The following WDPCP variants were observed in gnomAD, a reference collection of about 807,000 sequenced individuals.
WDPCP encodes the protein WD repeat-containing and planar cell polarity effector protein fritz homolog.
In WDPCP, 71 loss-of-function variants were observed where a neutral mutation model predicts 93.1. The observed-to-expected ratio is 0.76, with a 90% confidence interval of 0.63 to 0.93. WDPCP has a LOEUF of 0.93. Ranked by LOEUF, WDPCP falls within the 40% of genes least tolerant of loss-of-function variation. The pLI is 0.00. For missense variants in WDPCP, 844 were observed against 887.4 expected (o/e 0.95, Z 0.62); for synonymous variants, 315 against 315.0 (o/e 1.00, Z 0.00).
rs368963105 is a variant in WDPCP, at chr2:63,341,291, G to A, written c.1749-27980C>T. Among the ~76,000 whole-genome samples, 14 of 152,226 alleles carry A rather than the reference G, an allele frequency of 9.2e-5. No homozygotes were observed. In the East Asian group the frequency reaches 2.3e-3, roughly 25 times the overall value. On this transcript the variant is annotated intron_variant, in intron 12 of 17. Transcript: ENST00000272321. ...CTACAGGAGCGCACCACCATGCCCA[G>A]CTAATTTTTGTATTTTTAGTAGAGA...
rs2103805217 is a variant in WDPCP, at chr2:63,724,877, C to CTGTT, written n.309-74043_309-74040dup. 1.3e-5 allele frequency among the ~76,000 whole-genome samples: 2 copies of CTGTT among 152,302 alleles called. 1 individual carries two copies. The highest frequency in any genetic ancestry group is 4.1e-4 in the South Asian group (2 of 4,824). ...GGCATGTGAACAACTCTTGAAAAATCTGTTTGTACAGAGGGGCAACTCATA... is the reference window on the plus strand; with the variant it reads ...GGCATGTGAACAACTCTTGAAAAATCTGTTTGTTTGTACAGAGGGGCAACTCATA... On this transcript the variant is annotated intron_variant and non_coding_transcript_variant, in intron 2 of 4. Transcript: ENST00000467687.
At chr2:63,717,512 C>G (rs886902690) in intron 2 of WDPCP, 1 of 447,638 alleles carries the variant, frequency 2.2e-6, no homozygotes, top group Non-Finnish European at 4.3e-6. Flanking sequence ...GAATACATCT[C>G]GAACAAACTC....
intron 13 of WDPCP, among the ~76,000 whole-genome samples, 188 bp from the exon 14 acceptor site, chr2:63,259,597 T>C (rs776327994): frequency 5.3e-5 from 8 of 152,216 alleles, no homozygotes; most frequent in South Asian, 2.1e-4. Flanking sequence ...ATCACAGCTA[T>C]AACTAAAGGC....
intron 2 of WDPCP, among the ~76,000 whole-genome samples, chr2:63,806,560 A>G (rs749534841): frequency 1.3e-5 from 2 of 152,128 alleles, no homozygotes; most frequent in Non-Finnish European, 2.9e-5. Flanking sequence ...TCTGACCAAA[A>G]TTTATTAGGC....
chr2:63,594,481 A>T, intron 3 of WDPCP: 1 of 1,607,040 alleles, frequency 6.2e-7, no homozygotes, highest in Non-Finnish European at 8.5e-7. Flanking sequence ...GGTCTTTTTC[A>T]TTACAGTCTG....
At chr2:63,338,903 A>G (rs1186124851) in intron 12 of WDPCP, among the ~76,000 whole-genome samples, 1 of 151,582 alleles carries the variant, frequency 6.6e-6, no homozygotes, top group Non-Finnish European at 1.5e-5. Flanking sequence ...TTTTTTTTCT[A>G]TTTTTGTGAA....
chr2:63,717,636 C>G, intron 2 of WDPCP: 1 of 524,914 alleles, frequency 1.9e-6, no homozygotes, highest in Non-Finnish European at 3.9e-6. Context: ...CCATGTTAAG[C>G]TGACTGCTCA....
upstream of WDPCP, among the ~76,000 whole-genome samples, chr2:63,828,762 C>T (rs1025609989): frequency 6.6e-6 from 1 of 152,110 alleles, no homozygotes; most frequent in Non-Finnish European, 1.5e-5. Flanking sequence ...TTGTCTTCTT[C>T]CTATTCAATC....
intron 12 of WDPCP, chr2:63,378,099 A>G (rs972198686): frequency 5.1e-6 from 2 of 389,048 alleles, no homozygotes; most frequent in African/African-American, 2.0e-5. Context: ...TAGTGCGAGT[A>G]GCACAATTCA....
chr2:63,374,757 CAA>C (rs2104818205), intron 12 of WDPCP, among the ~76,000 whole-genome samples: 1 of 152,182 alleles, frequency 6.6e-6, no homozygotes, highest in African/African-American at 2.4e-5. Flanking sequence ...CAACATAGAG[CAA>C]AGTTAAAAGA....
chr2:63,448,141 T>C (rs1286065601), intron 6 of WDPCP, among the ~76,000 whole-genome samples: 3 of 152,132 alleles, frequency 2.0e-5, no homozygotes, highest in Non-Finnish European at 2.9e-5. Flanking sequence ...CTGCTGATAC[T>C]CTTTGTTCCA....
chr2:63,829,943 G>C (rs896000497), upstream of WDPCP, among the ~76,000 whole-genome samples: 6 of 151,950 alleles, frequency 3.9e-5, no homozygotes, highest in Non-Finnish European at 7.4e-5. Context: ...GAATGTTCTA[G>C]GTGTCAATGT....
intron 7 of WDPCP, chr2:63,437,863 T>C (rs747686475): frequency 2.5e-6 from 4 of 1,598,806 alleles, no homozygotes; most frequent in South Asian, 2.3e-5. Flanking sequence ...ATTTCGCACC[T>C]GAATGTAGAG....
At chr2:63,133,281 T>C (rs1399269371) in intron 17 of WDPCP, among the ~76,000 whole-genome samples, 2 of 152,218 alleles carry the variant, frequency 1.3e-5, no homozygotes, top group African/African-American at 4.8e-5. Context: ...TGCAGCTTTC[T>C]GAGCCATGAC....
intron 13 of WDPCP, among the ~76,000 whole-genome samples, chr2:63,268,138 G>C (rs867865624): frequency 1.3e-5 from 2 of 152,082 alleles, no homozygotes; most frequent in Non-Finnish European, 2.9e-5. Context: ...TATATATATA[G>C]CCTTTAAAAA....
At chr2:63,676,062 T>C (rs987588685) in intron 2 of WDPCP, among the ~76,000 whole-genome samples, 1 of 152,230 alleles carries the variant, frequency 6.6e-6, no homozygotes, top group African/African-American at 2.4e-5. Flanking sequence ...GTTCTATCTT[T>C]GGCAATAGCT....
chr2:63,352,812 T>A (rs1689728284), intron 12 of WDPCP, among the ~76,000 whole-genome samples: 1 of 152,204 alleles, frequency 6.6e-6, no homozygotes. Flanking sequence ...GCAAGCTCTG[T>A]GCCTTGGATG....
intron 2 of WDPCP, among the ~76,000 whole-genome samples, chr2:63,811,295 G>A (rs543016034): frequency 6.6e-6 from 1 of 152,316 alleles, no homozygotes; most frequent in African/African-American, 2.4e-5. Flanking sequence ...CGGCAAAGGT[G>A]ATGGGATGTC....
In WDPCP at chr2:63,437,466, A is replaced by G. The variant is rs1558634373; in HGVS notation, c.588T>C (p.Ser196=). The G allele has an allele frequency of 6.2e-7, 1 of 1,604,256 alleles. No homozygotes were observed. Among genetic ancestry groups the G allele is most frequent in the South Asian group, 1.1e-5 (1 of 88,846 alleles). Residue 196 remains serine, a synonymous_variant, in exon 8 of 18, where the codon TCT becomes TCC. Transcript: ENST00000272321. ...GTTTTTCCAGTCTTTTGTTTACATCAGAAGACTCCATCTTCTTGGTAAACT... is the reference window on the plus strand; with the variant it reads ...GTTTTTCCAGTCTTTTGTTTACATCGGAAGACTCCATCTTCTTGGTAAACT... ...FIQFTKKMES[S]DVNKRLEKLS... is the part of the protein sequence containing the mutation.
Sources: gnomAD v4.1 joint callset for allele counts (sites outside exome capture counted in the v4.1 genomes callset) on GRCh38, gnomAD v4.1.1 for gene constraint, MANE v1.5 for transcripts, NCBI Gene and HGNC (gene_info 2026-07-23, HGNC 2026-07-21) for gene names.